DAB1: variants seen among roughly 807,000 people sequenced by gnomAD.
The protein encoded by DAB1 is disabled homolog 1.
In DAB1, 15 loss-of-function variants were observed where a neutral mutation model predicts 64.6. That is an observed-to-expected ratio of 0.23 (90% CI 0.16 to 0.36). The LOEUF (loss-of-function observed/expected upper bound fraction) is 0.36, where lower values mean the gene tolerates loss of function less well. Among genes scored for constraint, DAB1 ranks in the 10% least tolerant of loss-of-function variants. The pLI is 1.00. For missense variants in DAB1, 596 were observed against 706.7 expected (o/e 0.84, Z 1.78); for synonymous variants, 235 against 251.9 (o/e 0.93, Z 0.64).
At chr1:58,253,854 C>T (rs1464091028) in intron 4 of DAB1, among the ~76,000 whole-genome samples, 1 of 152,170 alleles carries the variant, frequency 6.6e-6, no homozygotes, top group Non-Finnish European at 1.5e-5. Flanking sequence ...TCTTTCAGGG[C>T]CATGATACTA....
intron 4 of DAB1, among the ~76,000 whole-genome samples, chr1:58,300,165 G>T (rs1273123311): frequency 6.6e-6 from 1 of 152,132 alleles, no homozygotes; most frequent in African/African-American, 2.4e-5. Context: ...AGAAAAAGGG[G>T]CTTCTGGGAT....
intron 1 of DAB1, among the ~76,000 whole-genome samples, chr1:57,377,269 TAA>T (rs745487315): frequency 2.0e-4 from 28 of 137,142 alleles, no homozygotes; most frequent in Admixed American, 3.0e-4. Context: ...GACTCCATCT[TAA>T]AAAAAAAAAA....
At position 58,198,127 on chromosome 1, in the gene DAB1, C is replaced by T. The variant is rs185467181; in HGVS notation, n.310-47539G>A. Among the ~76,000 whole-genome samples the T allele has an allele frequency of 1.6e-4, 24 of 152,304 alleles. 1 individual carries two copies. In the South Asian group the frequency reaches 2.3e-3, roughly 14 times the overall value. ...GCTGATAGAGTTCATCAAGAAGTCA[C>T]GACAGCTGCATCCAGGAGAGAGAAA... On this transcript the variant is annotated intron_variant and non_coding_transcript_variant, in intron 4 of 20. Coordinates refer to the DAB1 transcript ENST00000485760.
At chr1:58,031,568 C>T (rs1183740328) in intron 5 of DAB1, among the ~76,000 whole-genome samples, 1 of 152,148 alleles carries the variant, frequency 6.6e-6, no homozygotes, top group Non-Finnish European at 1.5e-5. Context: ...TGCCAGATTT[C>T]CTTTGAGATG....
At chr1:58,518,938 A>G (rs566062995) in intron 2 of DAB1, among the ~76,000 whole-genome samples, 2 of 152,282 alleles carry the variant, frequency 1.3e-5, no homozygotes, top group Admixed American at 1.3e-4. Context: ...CAAAAAGGAT[A>G]AATAACTTGA....
At chr1:57,627,461 C>A (rs920415936) in intron 7 of DAB1, among the ~76,000 whole-genome samples, 5 of 152,192 alleles carry the variant, frequency 3.3e-5, no homozygotes, top group Non-Finnish European at 5.9e-5. Context: ...GGAACTATTA[C>A]TTTGTACTAG....
intron 7 of DAB1, among the ~76,000 whole-genome samples, chr1:57,534,371 A>G (rs1438434672): frequency 1.3e-5 from 2 of 152,202 alleles, no homozygotes; most frequent in Non-Finnish European, 2.9e-5. Context: ...GGCTGCCAGC[A>G]TGAAGTCACT....
chr1:57,950,592 A>G (rs917703505), intron 5 of DAB1, among the ~76,000 whole-genome samples: 1 of 151,856 alleles, frequency 6.6e-6, no homozygotes, highest in East Asian at 1.9e-4. Context: ...TGATAAATTC[A>G]TACTGCAAAG....
At chr1:57,311,160 C>T (rs777337944) in intron 1 of DAB1, among the ~76,000 whole-genome samples, 6 of 152,070 alleles carry the variant, frequency 3.9e-5, no homozygotes, top group Non-Finnish European at 7.4e-5. Flanking sequence ...TGTCACCCAG[C>T]GTGAGAAGGG....
At chr1:57,596,003 A>G (rs1019638747) in intron 7 of DAB1, among the ~76,000 whole-genome samples, 2 of 152,168 alleles carry the variant, frequency 1.3e-5, no homozygotes, top group African/African-American at 4.8e-5. Context: ...ATTTCTTTAT[A>G]GTGATGTAAG....
intron 1 of DAB1, among the ~76,000 whole-genome samples, chr1:57,338,257 T>A (rs919798225): frequency 2.0e-5 from 3 of 152,130 alleles, no homozygotes; most frequent in African/African-American, 7.2e-5. Context: ...AGTGCTGGGA[T>A]GACAGGAGTG....
chr1:57,815,261 C>G (rs852751), intron 6 of DAB1, among the ~76,000 whole-genome samples: 54,762 of 151,658 alleles, frequency 0.36, 10,311 homozygotes, highest in Admixed American at 0.48. Flanking sequence ...GTAGAGATAG[C>G]GTTTCACTGT....
intron 7 of DAB1, among the ~76,000 whole-genome samples, chr1:57,514,488 A>C (rs1644441977): frequency 6.6e-6 from 1 of 152,192 alleles, no homozygotes; most frequent in South Asian, 2.1e-4. Context: ...CTAAACTAGA[A>C]TGTAAGCTTC....
At chr1:57,201,074 A>C (rs1665055945) in intron 2 of DAB1, among the ~76,000 whole-genome samples, 1 of 152,162 alleles carries the variant, frequency 6.6e-6, no homozygotes, top group Admixed American at 6.5e-5. Context: ...AGCTTAGGTG[A>C]TTCTCTCAGG....
chr1:57,695,316 G>GA (rs1182312157), intron 6 of DAB1, among the ~76,000 whole-genome samples: 1 of 107,438 alleles, frequency 9.3e-6, no homozygotes, highest in African/African-American at 3.5e-5. Context: ...AAGAAAGAAA[G>GA]AAAGAAAGAA....
At chr1:58,129,843 C>A (rs1182678126) in intron 5 of DAB1, among the ~76,000 whole-genome samples, 4 of 150,784 alleles carry the variant, frequency 2.7e-5, no homozygotes, top group Non-Finnish European at 5.9e-5. Flanking sequence ...AATTTCTGTT[C>A]TTTTACATTT....
chr1:58,080,225 C>T (rs571138004), intron 5 of DAB1: 59 of 152,306 alleles, frequency 3.9e-4, no homozygotes, highest in African/African-American at 1.4e-3. Flanking sequence ...TTGACATCTT[C>T]GAGCTGAAGG....
At chr1:58,299,640 A>G (rs940454194) in intron 4 of DAB1, among the ~76,000 whole-genome samples, 1 of 152,140 alleles carries the variant, frequency 6.6e-6, no homozygotes, top group Non-Finnish European at 1.5e-5. Context: ...GCTTTCTTTT[A>G]TCTGTGATAG....
At chr1:57,123,509 C>T (rs1656852244) in intron 4 of DAB1, among the ~76,000 whole-genome samples, 1 of 152,072 alleles carries the variant, frequency 6.6e-6, no homozygotes, top group Non-Finnish European at 1.5e-5. Context: ...CGGCATCATA[C>T]ATCTAGCAGT....
Sources: gnomAD v4.1 joint callset for allele counts (sites outside exome capture counted in the v4.1 genomes callset) on GRCh38, gnomAD v4.1.1 for gene constraint, MANE v1.5 for transcripts, NCBI Gene and HGNC (gene_info 2026-07-23, HGNC 2026-07-21) for gene names.